The following COX18 variants were observed in gnomAD, a reference collection of about 807,000 sequenced individuals.
COX18 encodes the protein cytochrome c oxidase assembly protein COX18, mitochondrial.
COX18 carries 45 observed loss-of-function variants against 38.0 expected under a neutral mutation model. The ratio of observed to expected loss-of-function variants is 1.18; its 90% confidence interval spans 0.93 to 1.52. The LOEUF (loss-of-function observed/expected upper bound fraction) is 1.52, where lower values mean the gene tolerates loss of function less well. COX18 is among the 40% of genes most tolerant of loss of function. COX18 has a pLI of 0.00. For synonymous variants in COX18, 177 were observed against 169.8 expected (o/e 1.04, Z -0.33); for missense variants, 462 against 423.8 (o/e 1.09, Z -0.79).
Position 73,067,971 on chromosome 4 carries a change from T to C in COX18, c.434+58A>G, listed in dbSNP as rs1182389513. On this transcript the variant is annotated intron_variant, in intron 2 of 5. Coordinates refer to ENST00000507544, the MANE Select transcript of COX18 (RefSeq NM_001297732.2). ...ATTTATGTATGTGTGTGTGTGTGTG[T>C]GTGTGTGTGTGTGTGTGTATGTGTG... 5.0e-5 allele frequency: 47 copies of C among 942,428 alleles called. No homozygotes were observed. In the Middle Eastern group the frequency reaches 8.5e-4, roughly 17 times the overall value. The allele number at this position is 942,428 out of a possible 1,614,324, so 58.4% of individuals were successfully genotyped here.
At chr4:73,069,180 A>G (rs1720622049) in intron 1 of COX18, 137 bp downstream of exon 1, 1 of 663,524 alleles carries the variant, frequency 1.5e-6, no homozygotes, top group Non-Finnish European at 2.5e-6. Flanking sequence ...AATGGTCACA[A>G]TGAAATGGTC....
Position 73,055,509 on chromosome 4 carries a change from T to C in COX18, c.*2605A>G, listed in dbSNP as rs1719854547. The C allele has an allele frequency of 6.6e-6, 1 of 152,218 alleles. No homozygotes were observed. Among genetic ancestry groups the C allele is most frequent in the Non-Finnish European group, 1.5e-5 (1 of 68,046 alleles). The allele number at this position is 152,218 out of a possible 1,614,324, so 9.4% of individuals were successfully genotyped here. On this transcript the variant is annotated 3_prime_UTR_variant, in exon 6 of 6. Coordinates refer to ENST00000507544, the MANE Select transcript of COX18 (RefSeq NM_001297732.2). ...TGAAGCTTATCTAATATACTTATTT[T>C]CTCCTAAGCCTTCCTGAGCTTAGGA...
intron 1 of COX18, 45 bp downstream of exon 1, chr4:73,069,272 C>G: frequency 1.4e-6 from 2 of 1,391,632 alleles, no homozygotes; most frequent in Non-Finnish European, 1.9e-6. Flanking sequence ...TCCTCCGCCG[C>G]AGGGGTTGCA....
At chr4:73,067,754 T>C (rs1240784666) in intron 2 of COX18, among the ~76,000 whole-genome samples, 4 of 143,472 alleles carry the variant, frequency 2.8e-5, no homozygotes. Flanking sequence ...GGGAGGAGAA[T>C]CGCTTGAACC....
intron 5 of COX18, among the ~76,000 whole-genome samples, chr4:73,058,990 C>T (rs1243477518): frequency 6.6e-6 from 1 of 152,162 alleles, no homozygotes; most frequent in Middle Eastern, 3.4e-3. Context: ...CAATAGGGTT[C>T]GTGCTATGAG....
intron 2 of COX18, among the ~76,000 whole-genome samples, chr4:73,065,761 T>C (rs1265270143): frequency 2.6e-5 from 4 of 152,224 alleles, no homozygotes; most frequent in African/African-American, 9.6e-5. Flanking sequence ...AAGCAAACTT[T>C]AATCAAATCT....
At chr4:73,068,170 C>T (rs751007693) in intron 1 of COX18, 41 bp from the exon 2 acceptor site, 2 of 1,267,432 alleles carry the variant, frequency 1.6e-6, no homozygotes, top group East Asian at 5.0e-5. Context: ...CATAAAGGAT[C>T]TTTATTCATA....
At chr4:73,065,153 C>T in intron 3 of COX18, 97 bp downstream of exon 3, 2 of 1,152,548 alleles carry the variant, frequency 1.7e-6, no homozygotes, top group South Asian at 1.6e-5. Context: ...GTAAACATAT[C>T]GTAATTATGA....
chr4:73,061,744 C>T, intron 5 of COX18, 69 bp downstream of exon 5: 2 of 829,138 alleles, frequency 2.4e-6, no homozygotes, highest in Non-Finnish European at 3.9e-6. Context: ...GAGGCAGGAT[C>T]CCAGCCAGTC....
Position 73,061,903 on chromosome 4 carries a change from T to A in COX18, c.741A>T (p.Lys247Asn). 1.2e-6 allele frequency: 2 copies of A among 1,608,744 alleles called. No individual in the cohort carries two copies. Among genetic ancestry groups the A allele is most frequent in the East Asian group, 4.5e-5 (2 of 44,842 alleles). ...LLIVEICALQ[K>N]IGMSRFQTYI... Reference sequence around the variant, plus strand: ...ACGTCTGAAAACGAGACATTCCAATTTTTTGTAGAGCACAAATCTGAAGGG... The same window carrying A: ...ACGTCTGAAAACGAGACATTCCAATATTTTGTAGAGCACAAATCTGAAGGG... Residue 247 changes from lysine (K) to asparagine (N), a missense_variant, in exon 5 of 6, where the codon AAA becomes AAT. Coordinates refer to ENST00000507544, the MANE Select transcript of COX18 (RefSeq NM_001297732.2).
At chr4:73,064,929 T>C (rs199728339) in intron 3 of COX18, 27 bp from the exon 4 acceptor site, 164 of 1,605,290 alleles carry the variant, frequency 1.0e-4, no homozygotes, top group Middle Eastern at 1.7e-4. Flanking sequence ...AATAAAACAA[T>C]AGAAGTCCTA....
rs189872044 is a variant in COX18, at chr4:73,055,502, C to T, written c.*2612G>A. On this transcript the variant is annotated 3_prime_UTR_variant, in exon 6 of 6. Coordinates refer to ENST00000507544, the MANE Select transcript of COX18 (RefSeq NM_001297732.2). ...GCATGAATGAAGCTTATCTAATATA[C>T]TTATTTTCTCCTAAGCCTTCCTGAG... The T allele has an allele frequency of 2.3e-3, 354 of 152,302 alleles. 3 individuals are homozygous for T. Among genetic ancestry groups the T allele is most frequent in the African/African-American group, 7.9e-3 (328 of 41,572 alleles). The allele number at this position is 152,302 out of a possible 1,614,324, so 9.4% of individuals were successfully genotyped here. A position where few individuals can be genotyped will look rare whatever the true frequency, so the allele number is the denominator to read the frequency against.
At chr4:73,067,864 A>AAATATAT in intron 2 of COX18, among the ~76,000 whole-genome samples, 165 bp downstream of exon 2, 2 of 20,010 alleles carry the variant, frequency 1.0e-4, no homozygotes, top group African/African-American at 1.8e-4. Context: ...AAAAAAAAAA[A>AAATATAT]ATATATATAT....
chr4:73,062,894 C>G (rs1720247519), intron 4 of COX18, among the ~76,000 whole-genome samples: 2 of 151,572 alleles, frequency 1.3e-5, no homozygotes, highest in South Asian at 2.1e-4. Context: ...GACTCTAGAG[C>G]CAAACTACGT....
Position 73,069,415 on chromosome 4 carries a change from C to A in COX18, c.235G>T (p.Gly79Cys). The change falls in exon 1 of 6, where the codon GGC (glycine) becomes TGC (cysteine). Residue 79 changes from glycine (G) to cysteine (C), a missense_variant. By Grantham distance (159) the Gly-to-Cys change is radical (BLOSUM62 -3). Coordinates refer to ENST00000507544, the MANE Select transcript of COX18 (RefSeq NM_001297732.2). ...EVLLGVHAAT[G>C]LPWWGSILLS... is the part of the protein sequence containing the mutation. ...AGAATGCTGCCCCACCAGGGCAGGC[C>A]CGTGGCGGCGTGCACGCCGAGCAGT... 6 of 1,571,516 alleles carry A rather than the reference C, an allele frequency of 3.8e-6. No homozygotes were observed. The highest frequency in any genetic ancestry group is 5.2e-6 in the Non-Finnish European group (6 of 1,159,348).
intron 2 of COX18, among the ~76,000 whole-genome samples, chr4:73,066,535 A>AAAAAG (rs922807041): frequency 2.6e-5 from 4 of 152,182 alleles, no homozygotes; most frequent in South Asian, 4.1e-4. Flanking sequence ...CAAAAAAACA[A>AAAAAG]AAAAGAAAAG....
intron 5 of COX18, among the ~76,000 whole-genome samples, chr4:73,060,959 T>C (rs1720126514): frequency 6.6e-6 from 1 of 152,150 alleles, no homozygotes; most frequent in Non-Finnish European, 1.5e-5. Context: ...AATTCGACTT[T>C]ATGTGTTAGC....
At position 73,056,440 on chromosome 4, in the gene COX18, T is replaced by C. The variant is rs1234787074; in HGVS notation, c.*1674A>G. On this transcript the variant is annotated 3_prime_UTR_variant, in exon 6 of 6. Coordinates refer to ENST00000507544, the MANE Select transcript of COX18 (RefSeq NM_001297732.2). ...AATCTGAATGCTTAAGATTTTCCACTTTGGGTGCTAGCAGTACACAGTGTT... is the reference window on the plus strand; with the variant it reads ...AATCTGAATGCTTAAGATTTTCCACCTTGGGTGCTAGCAGTACACAGTGTT... 4 of 152,248 alleles carry C rather than the reference T, an allele frequency of 2.6e-5. No homozygotes were observed. Among genetic ancestry groups the C allele is most frequent in the African/African-American group, 7.2e-5 (3 of 41,466 alleles). 9.4% of individuals were successfully genotyped at this position (152,248 alleles called of 1,614,324 possible).
chr4:73,067,950 ATGTATGTGTG>A lies in COX18; in HGVS notation c.434+69_434+78del, dbSNP rs1217987916. ...AAACTTATAATTAACATCACAATTT[ATGTATGTGTG>A]TGTGTGTGTGTGTGTGTGTGTGTGT... On this transcript the variant is annotated intron_variant, in intron 2 of 5. Coordinates refer to ENST00000507544, the MANE Select transcript of COX18 (RefSeq NM_001297732.2). 2.9e-5 allele frequency: 20 copies of A among 691,098 alleles called. No homozygotes were observed. In the East Asian group the frequency reaches 3.5e-4, roughly 12 times the overall value. 42.8% of individuals were successfully genotyped at this position (691,098 alleles called of 1,614,324 possible).
Sources: gnomAD v4.1 joint callset for allele counts (sites outside exome capture counted in the v4.1 genomes callset) on GRCh38, gnomAD v4.1.1 for gene constraint, MANE v1.5 for transcripts, NCBI Gene and HGNC (gene_info 2026-07-23, HGNC 2026-07-21) for gene names.